Variants in STK32B observed in about 807,000 individuals in gnomAD.
The protein encoded by STK32B is serine/threonine kinase 32B, also known as serine/threonine-protein kinase 32B.
Under a neutral mutation model 52.6 loss-of-function variants are expected in STK32B, and 43 were observed. The observed-to-expected ratio is 0.82, with a 90% CI of 0.64 to 1.05. The LOEUF (loss-of-function observed/expected upper bound fraction) is 1.05, where lower values mean the gene tolerates loss of function less well. Ranked by LOEUF, STK32B falls within the 50% of genes least tolerant of loss-of-function variation. The pLI is 0.00. For missense variants in STK32B, 621 were observed against 534.6 expected, an observed-to-expected ratio of 1.16 and a Z score of -1.59; for synonymous variants, 238 against 204.3, an observed-to-expected ratio of 1.17 and a Z score of -1.41.
intron 1 of STK32B, among the ~76,000 whole-genome samples, chr4:5,057,191 T>C (rs1235760856): frequency 6.6e-6 from 1 of 152,244 alleles, no homozygotes; most frequent in Non-Finnish European, 1.5e-5. Context: ...TCTGGAGCTA[T>C]TGAAAAACAA....
intron 4 of STK32B, among the ~76,000 whole-genome samples, chr4:5,362,633 G>A (rs1577396476): frequency 6.6e-6 from 1 of 152,202 alleles, no homozygotes; most frequent in South Asian, 2.1e-4. Context: ...GACCTGCTTG[G>A]TGAAAGCCTG....
intron 3 of STK32B, among the ~76,000 whole-genome samples, chr4:5,270,391 C>CT (rs1727345610): frequency 6.6e-6 from 1 of 152,124 alleles, no homozygotes; most frequent in Non-Finnish European, 1.5e-5. Flanking sequence ...CTTCTGCCTG[C>CT]TTTTATTCAG....
rs992183783 is a variant in STK32B at position 5,293,399 on chromosome 4, C to A, written c.261-37821C>A. Among the ~76,000 whole-genome samples, 10 of 152,090 alleles carry A rather than the reference C, an allele frequency of 6.6e-5. 1 individual carries two copies. The highest frequency in any genetic ancestry group is 1.3e-4 in the Non-Finnish European group (9 of 68,016). ...CACAATGGTTTAACTAATTTTCACT[C>A]CCACCAACAGTGTAAAAGCGTTCCT... On this transcript the variant is annotated intron_variant, in intron 3 of 11. Coordinates refer to ENST00000282908, the MANE Select transcript of STK32B (RefSeq NM_018401.3).
At chr4:5,214,081 A>G (rs1723051493) in intron 3 of STK32B, among the ~76,000 whole-genome samples, 1 of 152,066 alleles carries the variant, frequency 6.6e-6, no homozygotes, top group Non-Finnish European at 1.5e-5. Context: ...ACCCCACCCA[A>G]ATCTCATGTT....
At chr4:5,419,437 GA>G (rs936801959) in intron 6 of STK32B, among the ~76,000 whole-genome samples, 1 of 152,140 alleles carries the variant, frequency 6.6e-6, no homozygotes, top group African/African-American at 2.4e-5. Flanking sequence ...ATAGACTTTT[GA>G]TGTCCCAGAC....
chr4:5,170,729 T>G (rs1412807359), intron 3 of STK32B, among the ~76,000 whole-genome samples: 1 of 152,194 alleles, frequency 6.6e-6, no homozygotes, highest in Non-Finnish European at 1.5e-5. Context: ...TTTGGGTTGG[T>G]TCCAAGTCTT....
In STK32B at chr4:5,214,943, G is replaced by A. The variant is rs79318099; in HGVS notation, c.260+46493G>A. 7.0e-3 allele frequency among the ~76,000 whole-genome samples: 1,073 copies of A among 152,238 alleles called. 10 individuals are homozygous for A. Among genetic ancestry groups the A allele is most frequent in the African/African-American group, 0.024 (983 of 41,540 alleles). On this transcript the variant is annotated intron_variant, in intron 3 of 11. Coordinates refer to ENST00000282908, the MANE Select transcript of STK32B (RefSeq NM_018401.3). ...TGTGTCTCCAGACTATGTATTTTAC[G>A]TAGGTATTTTCTTGTTGATAAATGA... is the stretch of plus-strand genomic sequence containing the variant.
At chr4:5,057,318 T>C (rs757947462) in intron 1 of STK32B, among the ~76,000 whole-genome samples, 1 of 152,054 alleles carries the variant, frequency 6.6e-6, no homozygotes, top group Non-Finnish European at 1.5e-5. Flanking sequence ...AGAGAACTGG[T>C]TTTTCAGCGT....
chr4:5,454,431 TTCCTC>T (rs1284893541), intron 7 of STK32B, among the ~76,000 whole-genome samples: 2 of 152,076 alleles, frequency 1.3e-5, no homozygotes, highest in East Asian at 3.9e-4. Flanking sequence ...CACATCGTCT[TTCCTC>T]TATGTGTCTT....
At chr4:5,231,809 A>C (rs13121716) in intron 3 of STK32B, among the ~76,000 whole-genome samples, 12,563 of 152,168 alleles carry the variant, frequency 0.083, 1,021 homozygotes, top group African/African-American at 0.21. Flanking sequence ...TGAAGAGTTG[A>C]AGAGAAAGAG....
intron 11 of STK32B, among the ~76,000 whole-genome samples, chr4:5,472,456 A>G (rs1298593063): frequency 6.6e-6 from 1 of 152,244 alleles, no homozygotes; most frequent in African/African-American, 2.4e-5. Context: ...CAGGTGGAGC[A>G]TCTGCTTCCA....
intron 2 of STK32B, among the ~76,000 whole-genome samples, chr4:5,165,140 G>GA (rs1718771535): frequency 6.6e-6 from 1 of 152,174 alleles, no homozygotes; most frequent in Non-Finnish European, 1.5e-5. Context: ...ATTTACCGAG[G>GA]AGGTAGTCAA....
intron 6 of STK32B, among the ~76,000 whole-genome samples, chr4:5,429,152 A>G (rs1482491504): frequency 6.6e-6 from 1 of 152,196 alleles, no homozygotes; most frequent in Non-Finnish European, 1.5e-5. Context: ...CATCGCTGAT[A>G]ATATCTTTTT....
At chr4:5,219,605 C>G (rs1239485970) in intron 3 of STK32B, among the ~76,000 whole-genome samples, 3 of 152,254 alleles carry the variant, frequency 2.0e-5, no homozygotes, top group Non-Finnish European at 2.9e-5. Context: ...CCGAGCTGAT[C>G]CTCTGGGTGC....
intron 2 of STK32B, among the ~76,000 whole-genome samples, chr4:5,162,942 T>TG (rs534071721): frequency 1.2e-3 from 185 of 152,260 alleles, no homozygotes; most frequent in African/African-American, 4.3e-3. Context: ...CTCAATCACA[T>TG]GGTTGTCATG....
chr4:5,221,582 T>C (rs1367664141), intron 3 of STK32B, among the ~76,000 whole-genome samples: 1 of 152,206 alleles, frequency 6.6e-6, no homozygotes, highest in Non-Finnish European at 1.5e-5. Context: ...CAGTGCTTCA[T>C]GTCCATGTTC....
chr4:5,262,378 G>A (rs750210813), intron 3 of STK32B, among the ~76,000 whole-genome samples: 8 of 152,064 alleles, frequency 5.3e-5, no homozygotes, highest in Non-Finnish European at 1.0e-4. Flanking sequence ...TGTAATCCCA[G>A]CACTTTGGGA....
intron 4 of STK32B, among the ~76,000 whole-genome samples, chr4:5,393,201 C>G (rs759185803): frequency 2.0e-5 from 3 of 152,176 alleles, no homozygotes; most frequent in Non-Finnish European, 4.4e-5. Context: ...TCATCCTTCC[C>G]TAGTGCCTGT....
chr4:5,322,049 G>T, intron 3 of STK32B, among the ~76,000 whole-genome samples: 1 of 143,936 alleles, frequency 6.9e-6, no homozygotes, highest in Non-Finnish European at 1.5e-5. Context: ...GGGGGGTTGG[G>T]CTGGCTGAAC....
Sources: allele counts gnomAD v4.1 joint callset (sites outside exome capture counted in the v4.1 genomes callset), GRCh38; gene constraint gnomAD v4.1.1; transcripts MANE v1.5; gene names NCBI Gene and HGNC (gene_info 2026-07-23, HGNC 2026-07-21).